The following SAMTOR variants were observed in gnomAD, a reference collection of about 807,000 sequenced individuals.
SAMTOR encodes S-adenosylmethionine sensor upstream of mTORC1.
chr7:112,827,608 C>T, the SAMTOR span, among the ~76,000 whole-genome samples: 3 of 152,174 alleles, frequency 2.0e-5, no homozygotes, highest in Non-Finnish European at 4.4e-5. Context: ...TATTTGCATA[C>T]ACCCTATGCA....
chr7:112,864,834 A>G, the SAMTOR span, among the ~76,000 whole-genome samples: 1 of 152,294 alleles, frequency 6.6e-6, no homozygotes, highest in South Asian at 2.1e-4. Context: ...AGCTGACTGC[A>G]ACCTTGACCT....
the SAMTOR span, chr7:112,935,151 T>C: frequency 2.4e-6 from 1 of 408,436 alleles, no homozygotes; most frequent in Non-Finnish European, 4.7e-6. Flanking sequence ...AGAATAAGTA[T>C]AAGAAGAACA....
chr7:112,892,012 A>G, the SAMTOR span, among the ~76,000 whole-genome samples: 1 of 152,262 alleles, frequency 6.6e-6, no homozygotes, highest in Non-Finnish European at 1.5e-5. Flanking sequence ...TTTTACTCAC[A>G]GAATTTCTTT....
chr7:112,934,922 A>C, the SAMTOR span, among the ~76,000 whole-genome samples: 1 of 152,246 alleles, frequency 6.6e-6, no homozygotes, highest in Non-Finnish European at 1.5e-5. Context: ...TGTACATTGT[A>C]TACCTACATG....
the SAMTOR span, among the ~76,000 whole-genome samples, chr7:112,858,176 CA>C: frequency 6.6e-6 from 1 of 151,964 alleles, no homozygotes; most frequent in Non-Finnish European, 1.5e-5. Context: ...CTATTAGTGG[CA>C]ACCTTTTAAA....
the SAMTOR span, among the ~76,000 whole-genome samples, chr7:112,903,396 G>A: frequency 6.6e-6 from 1 of 151,182 alleles, no homozygotes; most frequent in African/African-American, 2.4e-5. Flanking sequence ...GACCAAAAAG[G>A]CTTCACAACT....
chr7:112,839,860 C>T, the SAMTOR span, among the ~76,000 whole-genome samples: 100 of 151,888 alleles, frequency 6.6e-4, 1 homozygote, highest in African/African-American at 2.3e-3. Context: ...CTAAATCACA[C>T]CTTTTATCAC....
At chr7:112,834,110 A>G in the SAMTOR span, among the ~76,000 whole-genome samples, 1 of 152,288 alleles carries the variant, frequency 6.6e-6, no homozygotes, top group East Asian at 1.9e-4. Context: ...TTGTGCTTCT[A>G]TAATTCACTT....
the SAMTOR span, among the ~76,000 whole-genome samples, chr7:112,902,231 G>A: frequency 6.6e-6 from 1 of 151,234 alleles, no homozygotes; most frequent in Non-Finnish European, 1.5e-5. Context: ...GGAGAAATCC[G>A]TGTCTACTAA....
chr7:112,868,770 G>A, the SAMTOR span, among the ~76,000 whole-genome samples: 1 of 152,236 alleles, frequency 6.6e-6, no homozygotes, highest in Non-Finnish European at 1.5e-5. Flanking sequence ...CAGGCAGTGA[G>A]TGTGGAGAGT....
chr7:112,883,327 C>T, the SAMTOR span, among the ~76,000 whole-genome samples: 1 of 152,126 alleles, frequency 6.6e-6, no homozygotes, highest in African/African-American at 2.4e-5. Context: ...CTGTCTCTTC[C>T]ATTCTTTCAC....
the SAMTOR span, among the ~76,000 whole-genome samples, chr7:112,870,032 C>T: frequency 6.6e-6 from 1 of 152,100 alleles, no homozygotes; most frequent in Non-Finnish European, 1.5e-5. Context: ...GAACACAAAG[C>T]CTTGGGGAAA....
At chr7:112,898,935 A>C in the SAMTOR span, among the ~76,000 whole-genome samples, 2 of 152,162 alleles carry the variant, frequency 1.3e-5, no homozygotes, top group African/African-American at 2.4e-5. Context: ...CTTTAGATAA[A>C]CTCTGAATGC....
At chr7:112,877,348 G>T in the SAMTOR span, among the ~76,000 whole-genome samples, 1 of 152,104 alleles carries the variant, frequency 6.6e-6, no homozygotes, top group Non-Finnish European at 1.5e-5. Context: ...TACAGCAGGG[G>T]TTTTCAAATG....
chr7:112,929,722 T>C, the SAMTOR span, among the ~76,000 whole-genome samples: 3 of 151,978 alleles, frequency 2.0e-5, no homozygotes, highest in East Asian at 1.9e-4. Context: ...ACTGAGAGTA[T>C]AGAGAGAGAC....
the SAMTOR span, among the ~76,000 whole-genome samples, chr7:112,840,196 T>C: frequency 2.0e-5 from 3 of 151,898 alleles, no homozygotes; most frequent in African/African-American, 4.8e-5. Context: ...TAGCTAAAGT[T>C]GAGAACTGGT....
the SAMTOR span, chr7:112,821,824 A>C: frequency 1.2e-6 from 2 of 1,613,616 alleles, no homozygotes; most frequent in Non-Finnish European, 8.5e-7. Context: ...TCTGAGTCAT[A>C]TGGCGCATCA....
At chr7:112,876,642 T>C in the SAMTOR span, among the ~76,000 whole-genome samples, 1 of 152,152 alleles carries the variant, frequency 6.6e-6, no homozygotes, top group Non-Finnish European at 1.5e-5. Context: ...TTAAAGAGTA[T>C]CTTTCAACCC....
chr7:112,877,666 G>A, the SAMTOR span, among the ~76,000 whole-genome samples: 3,221 of 152,160 alleles, frequency 0.021, 75 homozygotes, highest in Non-Finnish European at 0.025. Context: ...CAAATCTCAC[G>A]TTGAATTGTA....
Sources: allele counts gnomAD v4.1 joint callset (sites outside exome capture counted in the v4.1 genomes callset), GRCh38; gene constraint gnomAD v4.1.1; transcripts MANE v1.5; gene names NCBI Gene and HGNC (gene_info 2026-07-23, HGNC 2026-07-21).